The following RIT2 variants were observed in gnomAD, a reference collection of about 807,000 sequenced individuals.
RIT2 encodes GTP-binding protein Rit2.
Under a neutral mutation model 23.7 loss-of-function variants are expected in RIT2, and 24 were observed. The ratio of observed to expected loss-of-function variants is 1.01; its 90% CI spans 0.73 to 1.43. The LOEUF (loss-of-function observed/expected upper bound fraction) is 1.43, where lower values mean the gene tolerates loss of function less well. Ranked by LOEUF, RIT2 falls within the 40% of genes most tolerant of loss-of-function variation. The pLI is 0.00. For synonymous variants in RIT2, 107 were observed against 91.1 expected, an observed-to-expected ratio of 1.17 and a Z score of -0.99; for missense variants, 236 against 266.9, an observed-to-expected ratio of 0.88 and a Z score of 0.81.
intron 1 of RIT2, among the ~76,000 whole-genome samples, chr18:43,055,145 T>TA (rs776877925): frequency 6.6e-6 from 1 of 152,124 alleles, no homozygotes; most frequent in Non-Finnish European, 1.5e-5. Context: ...GTTAAGGCCC[T>TA]ATTCGTGAGA....
At chr18:42,754,533 A>T (rs1469071834) in intron 4 of RIT2, among the ~76,000 whole-genome samples, 2 of 151,926 alleles carry the variant, frequency 1.3e-5, no homozygotes, top group Non-Finnish European at 2.9e-5. Context: ...TTCCAGACCT[A>T]CTCAAGTCTT....
chr18:43,065,004 G>T (rs542292323), intron 1 of RIT2, among the ~76,000 whole-genome samples: 2 of 151,424 alleles, frequency 1.3e-5, no homozygotes, highest in East Asian at 4.0e-4. Flanking sequence ...TTTTTTAGTA[G>T]AGACAGGGTT....
chr18:42,896,372 G>T (rs1908330965), intron 4 of RIT2, among the ~76,000 whole-genome samples: 1 of 152,154 alleles, frequency 6.6e-6, no homozygotes, highest in Non-Finnish European at 1.5e-5. Flanking sequence ...AATTTTTCTT[G>T]CCTTCTCTTG....
chr18:42,880,388 A>G (rs192775017), intron 4 of RIT2, among the ~76,000 whole-genome samples: 80 of 152,126 alleles, frequency 5.3e-4, no homozygotes, highest in African/African-American at 7.9e-4. Flanking sequence ...TCCCCTTACT[A>G]TTGCTTTAAT....
chr18:42,987,804 T>A (rs1011397809), intron 2 of RIT2, among the ~76,000 whole-genome samples: 6 of 151,986 alleles, frequency 3.9e-5, no homozygotes, highest in African/African-American at 1.4e-4. Flanking sequence ...GGAAACACAC[T>A]CATGGCAAAA....
chr18:43,113,886 T>C (rs1056938078), intron 1 of RIT2, among the ~76,000 whole-genome samples: 1 of 152,160 alleles, frequency 6.6e-6, no homozygotes, highest in Non-Finnish European at 1.5e-5. Context: ...TTGCCTGTTT[T>C]TTTTAAATCT....
intron 1 of RIT2, among the ~76,000 whole-genome samples, chr18:43,047,941 C>A (rs1309916546): frequency 6.6e-6 from 1 of 152,044 alleles, no homozygotes; most frequent in Non-Finnish European, 1.5e-5. Context: ...AAGAGGAGGG[C>A]AGCCTTGGAA....
chr18:43,077,502 C>T (rs565240471), intron 1 of RIT2, among the ~76,000 whole-genome samples: 1 of 152,012 alleles, frequency 6.6e-6, no homozygotes, highest in Non-Finnish European at 1.5e-5. Context: ...TTAAGCCTGG[C>T]CCTTTGTAAC....
At chr18:42,885,459 G>T (rs866844344) in intron 4 of RIT2, among the ~76,000 whole-genome samples, 1 of 152,038 alleles carries the variant, frequency 6.6e-6, no homozygotes, top group African/African-American at 2.4e-5. Context: ...GGTGGCGGGC[G>T]CCTGTAGTCC....
intron 4 of RIT2, among the ~76,000 whole-genome samples, chr18:42,868,666 G>C (rs1312949628): frequency 6.6e-6 from 1 of 152,222 alleles, no homozygotes; most frequent in Non-Finnish European, 1.5e-5. Context: ...TGAGACTCAT[G>C]AAGAAATGGT....
intron 4 of RIT2, among the ~76,000 whole-genome samples, chr18:42,800,772 C>T (rs1469051504): frequency 6.6e-6 from 1 of 152,024 alleles, no homozygotes; most frequent in African/African-American, 2.4e-5. Context: ...ACCTCGTGAT[C>T]CGCCCGCCTC....
At chr18:42,864,305 C>T (rs1907411082) in intron 4 of RIT2, among the ~76,000 whole-genome samples, 1 of 152,120 alleles carries the variant, frequency 6.6e-6, no homozygotes, top group Admixed American at 6.5e-5. Flanking sequence ...CCACATTATG[C>T]CCCTGAATAA....
chr18:42,993,086 C>T (rs955711703), intron 2 of RIT2, among the ~76,000 whole-genome samples: 3 of 152,190 alleles, frequency 2.0e-5, no homozygotes, highest in African/African-American at 4.8e-5. Flanking sequence ...ACAAGAACTT[C>T]CAAACGCCTG....
chr18:43,049,537 G>A (rs1912327584), intron 1 of RIT2, among the ~76,000 whole-genome samples: 1 of 152,060 alleles, frequency 6.6e-6, no homozygotes, highest in Non-Finnish European at 1.5e-5. Context: ...CAGAATGAAG[G>A]ATAAAAATTA....
At chr18:42,995,675 A>G (rs529549593) in intron 2 of RIT2, among the ~76,000 whole-genome samples, 225 of 152,324 alleles carry the variant, frequency 1.5e-3, no homozygotes, top group African/African-American at 5.1e-3. Flanking sequence ...CAACTTAAAA[A>G]GGACTGGACA....
At chr18:43,085,425 C>T (rs1454793951) in intron 1 of RIT2, among the ~76,000 whole-genome samples, 1 of 152,016 alleles carries the variant, frequency 6.6e-6, no homozygotes, top group African/African-American at 2.4e-5. Flanking sequence ...GGTCACCACA[C>T]AGTACAATAA....
chr18:42,811,054 A>T (rs1905836875), intron 4 of RIT2, among the ~76,000 whole-genome samples: 1 of 152,032 alleles, frequency 6.6e-6, no homozygotes, highest in Admixed American at 6.6e-5. Flanking sequence ...ATGTGCAGAA[A>T]ATTATAGATT....
At chr18:43,057,429 C>T (rs1912529879) in intron 1 of RIT2, among the ~76,000 whole-genome samples, 1 of 152,150 alleles carries the variant, frequency 6.6e-6, no homozygotes, top group Admixed American at 6.6e-5. Flanking sequence ...CCAAATAGCA[C>T]TACATACTTT....
At chr18:42,981,457 A>C (rs565750346) in intron 2 of RIT2, among the ~76,000 whole-genome samples, 2 of 152,258 alleles carry the variant, frequency 1.3e-5, no homozygotes, top group East Asian at 3.9e-4. Context: ...TTGAGAAACT[A>C]TGAGAATATC....
Sources: allele counts gnomAD v4.1 joint callset (sites outside exome capture counted in the v4.1 genomes callset), GRCh38; gene constraint gnomAD v4.1.1; transcripts MANE v1.5; gene names NCBI Gene and HGNC (gene_info 2026-07-23, HGNC 2026-07-21).